DOT1L: variants seen among roughly 807,000 people sequenced by gnomAD.
The protein encoded by DOT1L is DOT1 like histone lysine methyltransferase.
A neutral mutation model predicts 153.3 loss-of-function variants in DOT1L; 33 were observed. The ratio of observed to expected loss-of-function variants is 0.22; its 90% CI spans 0.16 to 0.29. The LOEUF is 0.29. Among genes scored for constraint, DOT1L ranks in the 10% least tolerant of loss-of-function variants. The pLI, the probability that DOT1L is intolerant of heterozygous loss-of-function variation, is 1.00. For missense variants in DOT1L, 1,847 were observed against 2,119.9 expected, an observed-to-expected ratio of 0.87 and a Z score of 2.53; for synonymous variants, 1,135 against 965.1, an observed-to-expected ratio of 1.18 and a Z score of -3.26.
intron 1 of DOT1L, among the ~76,000 whole-genome samples, chr19:2,166,557 A>C (rs887650304): frequency 3.3e-5 from 5 of 152,032 alleles, no homozygotes; most frequent in African/African-American, 4.8e-5. Context: ...GATTACTGGC[A>C]TGAGCCACCA....
At chr19:2,228,183 CGCCCCTCCTTCACGGT>C in intron 27 of DOT1L, 2 of 1,365,342 alleles carry the variant, frequency 1.5e-6, no homozygotes, top group Non-Finnish European at 2.0e-6. Flanking sequence ...CAAGGGCGCC[CGCCCCTCCTTCACGGT>C]GCACCACCAG....
In DOT1L at chr19:2,189,809, C is replaced by A; in HGVS notation, c.264+14C>A. The A allele has an allele frequency of 6.2e-7, 1 of 1,611,484 alleles. No individual in the cohort carries two copies. Among genetic ancestry groups the A allele is most frequent in the Non-Finnish European group, 8.5e-7 (1 of 1,179,924 alleles). On this transcript the variant is annotated intron_variant, in intron 4 of 27. Coordinates refer to ENST00000398665, the MANE Select transcript of DOT1L (RefSeq NM_032482.3). ...ATCCACCAGCTGGTAGGTGGCTTGC[C>A]CCTGCCCAGAGGGGGTTAGTAGTGC...
chr19:2,214,203 T>C, intron 18 of DOT1L: 1 of 913,808 alleles, frequency 1.1e-6, no homozygotes. Context: ...CTGGGTGTCA[T>C]GGAGCCACAC....
At position 2,217,741 on chromosome 19, in the gene DOT1L, C is replaced by T; in HGVS notation, c.2545-31C>T. 1.3e-6 allele frequency: 2 copies of T among 1,581,486 alleles called. No homozygotes were observed. The highest frequency in any genetic ancestry group is 1.3e-5 in the African/African-American group (1 of 74,152). ...CTGTGTCCTGGAGGGGTTTGTTGAC[C>T]CACGACTGGGGGTCGGGCCTTCGTC... is the stretch of plus-strand genomic sequence containing the variant. On this transcript the variant is annotated intron_variant, in intron 21 of 27. Coordinates refer to ENST00000398665, the MANE Select transcript of DOT1L (RefSeq NM_032482.3). This position sits in a 1 kb window ranked among gnomAD's most constrained non-coding sequence, Gnocchi z 7.3.
In DOT1L at chr19:2,204,569, C is replaced by G. The variant is rs1042154051; in HGVS notation, c.787+1790C>G. On this transcript the variant is annotated intron_variant, in intron 9 of 27. Transcript: ENST00000398665. This position sits in a 1 kb window ranked among gnomAD's most constrained non-coding sequence, Gnocchi z 5.7. ...TACCCGCTGCCCTAGAACGCCTCTT[C>G]TGGCTGTTTCTCGCCAGCTTTCTCT... Among the ~76,000 whole-genome samples the G allele has an allele frequency of 1.3e-5, 2 of 152,226 alleles. No individual in the cohort carries two copies. Among genetic ancestry groups the G allele is most frequent in the Admixed American group, 1.3e-4 (2 of 15,278 alleles).
intron 26 of DOT1L, 60 bp from the exon 27 acceptor site, chr19:2,226,123 C>T: frequency 2.7e-6 from 4 of 1,476,484 alleles, no homozygotes; most frequent in South Asian, 1.4e-5. Flanking sequence ...CCCGGTTAGC[C>T]TCATGGGTAG....
At chr19:2,176,737 G>T (rs577711417) in intron 1 of DOT1L, among the ~76,000 whole-genome samples, 1 of 152,200 alleles carries the variant, frequency 6.6e-6, no homozygotes, top group African/African-American at 2.4e-5. Context: ...TGCAGCTCCC[G>T]CGGCCACCAC....
chr19:2,214,057 GC>G (rs2023813939), intron 18 of DOT1L, 71 bp downstream of exon 18: 1 of 1,541,358 alleles, frequency 6.5e-7, no homozygotes, highest in African/African-American at 1.4e-5. Flanking sequence ...TGTCCTCTGT[GC>G]GGGTGGGAGG....
chr19:2,180,872 T>A, intron 2 of DOT1L, 116 bp downstream of exon 2: 1 of 1,274,694 alleles, frequency 7.8e-7, no homozygotes, highest in Non-Finnish European at 1.1e-6. Context: ...CTCCTGGAGG[T>A]GTTGTGAAGC....
At chr19:2,218,766 G>A (rs890112865) in intron 22 of DOT1L, among the ~76,000 whole-genome samples, 3 of 150,992 alleles carry the variant, frequency 2.0e-5, no homozygotes, top group African/African-American at 7.3e-5. Context: ...GTGTGATCTC[G>A]GCTCACTGCA....
intron 16 of DOT1L, 180 bp from the exon 17 acceptor site, chr19:2,213,359 C>G (rs1302772436): frequency 3.4e-6 from 2 of 582,108 alleles, no homozygotes; most frequent in Non-Finnish European, 6.0e-6. Flanking sequence ...TGATGCAGAG[C>G]TGGTCCCCTC....
rs527998020 is a variant in DOT1L at position 2,189,131 on chromosome 19, T to C, written c.201-601T>C. 2.0e-5 allele frequency among the ~76,000 whole-genome samples: 3 copies of C among 152,276 alleles called. No homozygotes were observed. In the South Asian group the frequency reaches 6.2e-4, roughly 32 times the overall value. ...ACACACTGCTGACGTGACACACTGC[T>C]GACGTGACACACTGCTGACATGACA... On this transcript the variant is annotated intron_variant, in intron 3 of 27. Coordinates refer to ENST00000398665, the MANE Select transcript of DOT1L (RefSeq NM_032482.3).
At chr19:2,198,511 T>G (rs1360290623) in intron 7 of DOT1L, among the ~76,000 whole-genome samples, 1 of 152,184 alleles carries the variant, frequency 6.6e-6, no homozygotes, top group African/African-American at 2.4e-5. Flanking sequence ...TCCCTGTCTC[T>G]CTGGGGCTGA....
At chr19:2,201,616 G>A (rs2023284840) in intron 8 of DOT1L, among the ~76,000 whole-genome samples, 1 of 152,260 alleles carries the variant, frequency 6.6e-6, no homozygotes, top group African/African-American at 2.4e-5. Context: ...GCCATCTGGA[G>A]GGAATCGTGC....
chr19:2,216,837 G>A (rs930790420), intron 20 of DOT1L, 72 bp downstream of exon 20: 33 of 1,554,494 alleles, frequency 2.1e-5, no homozygotes, highest in Middle Eastern at 1.8e-4. Flanking sequence ...TCAGGCTGTC[G>A]GGTTCTCAGC....
Position 2,220,435 on chromosome 19 carries a change from C to G in DOT1L, c.2806+213C>G. On this transcript the variant is annotated intron_variant, in intron 23 of 27. Coordinates refer to ENST00000398665, the MANE Select transcript of DOT1L (RefSeq NM_032482.3). The surrounding 1 kb of genome is among the most constrained non-coding windows in gnomAD (Gnocchi z 4.5). ...CAGCTGCAGCCATCTCGGCCTCATA[C>G]CTGGGTCTCCCGACACTGACACCTC... is the stretch of plus-strand genomic sequence containing the variant. The G allele has an allele frequency of 1.5e-6, 1 of 665,372 alleles. No individual in the cohort carries two copies. The highest frequency in any genetic ancestry group is 2.8e-6 in the Non-Finnish European group (1 of 361,654). The allele number at this position is 665,372 out of a possible 1,614,324, so 41.2% of individuals were successfully genotyped here.
chr19:2,213,089 T>C (rs1363526701), intron 16 of DOT1L: 1 of 163,504 alleles, frequency 6.1e-6, no homozygotes, highest in African/African-American at 2.4e-5. Flanking sequence ...TGTTCTCTGC[T>C]GGTGTCTGAA....
intron 26 of DOT1L, 94 bp downstream of exon 26, chr19:2,225,546 C>T (rs929343480): frequency 5.1e-5 from 68 of 1,327,162 alleles, no homozygotes; most frequent in Non-Finnish European, 5.6e-5. Context: ...CCCGCTGCAT[C>T]GTGTCCCGCA....
At position 2,229,781 on chromosome 19, in the gene DOT1L, G is replaced by T; in HGVS notation, c.4607-4G>T. 1 of 1,613,316 alleles carries T rather than the reference G, an allele frequency of 6.2e-7. No individual in the cohort carries two copies. Among genetic ancestry groups the T allele is most frequent in the South Asian group, 1.1e-5 (1 of 91,090 alleles). On this transcript the variant is annotated splice_polypyrimidine_tract_variant and splice_region_variant and intron_variant, in intron 27 of 27. Coordinates refer to ENST00000398665, the MANE Select transcript of DOT1L (RefSeq NM_032482.3). ...GCCGCTCTTCCCGCTGTGCCCTTCT[G>T]CAGGTAACTAGGATTTCTACCTCAA...
Sources: allele counts gnomAD v4.1 joint callset (sites outside exome capture counted in the v4.1 genomes callset), GRCh38; gene constraint gnomAD v4.1.1; non-coding constraint Gnocchi (gnomAD v3.1); transcripts MANE v1.5; gene names NCBI Gene and HGNC (gene_info 2026-07-23, HGNC 2026-07-21).